The following RTL4 variants were observed in gnomAD, a reference collection of about 807,000 sequenced individuals.
The protein encoded by RTL4 is retrotransposon Gag like 4, also known as retrotransposon Gag-like protein 4.
In RTL4, 4 loss-of-function variants were observed where a neutral mutation model predicts 5.3. That is an observed-to-expected ratio of 0.75 (90% CI 0.37 to 1.72). The LOEUF (loss-of-function observed/expected upper bound fraction) is 1.72. RTL4 is among the 40% of genes most tolerant of loss of function. The pLI is 0.04. For synonymous variants in RTL4, 98 were observed against 87.3 expected (o/e 1.12, Z -0.68); for missense variants, 260 against 227.1 (o/e 1.14, Z -0.93).
chrX:112,392,379 C>T, the RTL4 span, among the ~76,000 whole-genome samples: 18 of 111,422 alleles, frequency 1.6e-4, no homozygotes, highest in African/African-American at 4.2e-4. Flanking sequence ...TAGTCACCTC[C>T]GATTTTTTAG....
the RTL4 span, among the ~76,000 whole-genome samples, chrX:112,214,649 C>A: frequency 8.9e-6 from 1 of 112,296 alleles, no homozygotes; most frequent in East Asian, 2.8e-4. Flanking sequence ...TAAGGCTTCT[C>A]TTTTCTCTAC....
chrX:112,201,601 CG>C, the RTL4 span, among the ~76,000 whole-genome samples: 1 of 109,335 alleles, frequency 9.1e-6, no homozygotes, highest in African/African-American at 3.3e-5. Context: ...CCTAACCCAC[CG>C]GGAGCACAGT....
chrX:112,272,738 T>C, the RTL4 span, among the ~76,000 whole-genome samples: 7,301 of 111,445 alleles, frequency 0.066, 561 homozygotes, highest in African/African-American at 0.23. Context: ...ATATTAAGAT[T>C]TATACTTTTT....
chrX:112,197,804 T>C, the RTL4 span, among the ~76,000 whole-genome samples: 1 of 111,886 alleles, frequency 8.9e-6, no homozygotes, highest in Non-Finnish European at 1.9e-5. Context: ...TTTGCATTTG[T>C]TTGTCTTTGT....
At chrX:112,436,628 C>T in the RTL4 span, among the ~76,000 whole-genome samples, 2 of 111,102 alleles carry the variant, frequency 1.8e-5, no homozygotes, top group African/African-American at 3.3e-5. Context: ...TCCATGGCAG[C>T]CCCTGATAAA....
the RTL4 span, among the ~76,000 whole-genome samples, chrX:112,367,750 G>A: frequency 8.9e-6 from 1 of 111,782 alleles, no homozygotes; most frequent in Non-Finnish European, 1.9e-5. Context: ...AAGGGAACGA[G>A]CAATTAAAAC....
At chrX:112,420,720 G>A in the RTL4 span, among the ~76,000 whole-genome samples, 1,399 of 111,838 alleles carry the variant, frequency 0.013, 21 homozygotes, top group African/African-American at 0.043. Context: ...GGGCTCTTCA[G>A]CAGACCATTC....
chrX:112,380,483 G>A, the RTL4 span, among the ~76,000 whole-genome samples: 1 of 112,019 alleles, frequency 8.9e-6, no homozygotes, highest in African/African-American at 3.2e-5. Flanking sequence ...TTTTATCAAA[G>A]AGTAGTATTT....
chrX:112,160,166 T>C, the RTL4 span, among the ~76,000 whole-genome samples: 1 of 112,263 alleles, frequency 8.9e-6, no homozygotes, highest in African/African-American at 3.2e-5. Context: ...TCAGTATGAG[T>C]TAACCTGGAG....
chrX:112,222,038 T>A, the RTL4 span, among the ~76,000 whole-genome samples: 1 of 111,979 alleles, frequency 8.9e-6, no homozygotes, highest in Non-Finnish European at 1.9e-5. Flanking sequence ...CAATAAATAT[T>A]CTCTCAGTAT....
At chrX:112,199,215 G>C in the RTL4 span, among the ~76,000 whole-genome samples, 1 of 107,752 alleles carries the variant, frequency 9.3e-6, no homozygotes, top group Non-Finnish European at 1.9e-5. Flanking sequence ...TGTGAACCCA[G>C]GAGGTGGAGC....
At chrX:112,348,590 A>T in the RTL4 span, among the ~76,000 whole-genome samples, 16 of 110,707 alleles carry the variant, frequency 1.4e-4, no homozygotes, top group African/African-American at 5.2e-4. Flanking sequence ...TTGCCATCAG[A>T]AAGTGGTATT....
At chrX:112,098,359 T>C in the RTL4 span, among the ~76,000 whole-genome samples, 1 of 111,452 alleles carries the variant, frequency 9.0e-6, no homozygotes, top group Admixed American at 9.5e-5. Context: ...TAGTCTATCA[T>C]TGTTAGACAT....
the RTL4 span, among the ~76,000 whole-genome samples, chrX:112,216,291 A>G: frequency 1.8e-5 from 2 of 111,925 alleles, no homozygotes; most frequent in African/African-American, 6.5e-5. Flanking sequence ...CTCAAAATCA[A>G]TTATTCCACC....
chrX:112,447,807 G>A, the RTL4 span, among the ~76,000 whole-genome samples: 65 of 111,940 alleles, frequency 5.8e-4, no homozygotes, highest in African/African-American at 2.0e-3. Context: ...TTCACTCATA[G>A]TCAAGACTTA....
At position 112,455,300 on chromosome X, in the gene RTL4, C is replaced by G. The variant is rs374617280; in HGVS notation, c.572C>G (p.Pro191Arg). 154 of 1,209,538 alleles carry G rather than the reference C, an allele frequency of 1.3e-4. No individual in the cohort carries two copies. Among genetic ancestry groups the G allele is most frequent in the Non-Finnish European group, 1.7e-4 (149 of 895,124 alleles). ...CAGTTCGAAAAGGCACTAGCTGATC[C>G]CAACCAGGATGAAGAGAGTGTCACT... The change falls in exon 1 of 1, where the codon CCC becomes CGC. Residue 191 changes from proline (P) to arginine (R), a missense_variant. By Grantham distance (103) the Pro-to-Arg change is moderately radical (BLOSUM62 -2). Transcript: ENST00000340433.
chrX:112,436,971 T>C, the RTL4 span, among the ~76,000 whole-genome samples: 2 of 111,996 alleles, frequency 1.8e-5, no homozygotes, highest in Admixed American at 1.9e-4. Context: ...GGATACTTTA[T>C]CCTTTGGATT....
At chrX:112,095,947 G>C in the RTL4 span, among the ~76,000 whole-genome samples, 1 of 111,892 alleles carries the variant, frequency 8.9e-6, no homozygotes, top group Non-Finnish European at 1.9e-5. Flanking sequence ...GATAGAGATG[G>C]TGGAGTGGTA....
the RTL4 span, among the ~76,000 whole-genome samples, chrX:112,346,784 A>G: frequency 1.8e-5 from 2 of 111,550 alleles, no homozygotes; most frequent in Non-Finnish European, 3.8e-5. Context: ...AGGTTTACAT[A>G]TAGATATATA....
Sources: gnomAD v4.1 joint callset for allele counts (sites outside exome capture counted in the v4.1 genomes callset) on GRCh38, gnomAD v4.1.1 for gene constraint, MANE v1.5 for transcripts, NCBI Gene and HGNC (gene_info 2026-07-23, HGNC 2026-07-21) for gene names.